BSX: variants seen among roughly 807,000 people sequenced by gnomAD.
BSX encodes brain specific homeobox.
In BSX, 12 loss-of-function variants were observed where a neutral mutation model predicts 16.9. That is an observed-to-expected ratio of 0.71 (90% CI 0.46 to 1.15). BSX has a LOEUF of 1.15. BSX is among the 50% of genes most tolerant of loss of function. The pLI is 0.00. For synonymous variants in BSX, 160 were observed against 136.4 expected (o/e 1.17, Z -1.20); for missense variants, 292 against 311.8 (o/e 0.94, Z 0.48).
At chr11:122,978,567 A>G (rs143706788) in intron 2 of BSX, among the ~76,000 whole-genome samples, 57 of 152,208 alleles carry the variant, frequency 3.7e-4, no homozygotes, top group African/African-American at 1.3e-3. Flanking sequence ...GGCTTCTCTC[A>G]GGACAAGAAC....
intron 2 of BSX, 38 bp downstream of exon 2, chr11:122,979,223 C>G (rs747622846): frequency 2.5e-6 from 4 of 1,568,784 alleles, no homozygotes; most frequent in Non-Finnish European, 3.5e-6. Flanking sequence ...CAGAGAGGAA[C>G]GAAGCAGAGA....
chr11:122,981,380 T>G (rs1408717256), intron 1 of BSX, 30 bp downstream of exon 1: 1 of 1,482,930 alleles, frequency 6.7e-7, no homozygotes, highest in South Asian at 1.4e-5. Flanking sequence ...GCTCTCTCAC[T>G]GCCCATACCT....
At chr11:122,981,306 A>G (rs1591412146) in intron 1 of BSX, 104 bp downstream of exon 1, 1 of 1,179,224 alleles carries the variant, frequency 8.5e-7, no homozygotes, top group Non-Finnish European at 1.2e-6. Flanking sequence ...CCACCAAGCC[A>G]GGCCGAGCCA....
intron 2 of BSX, among the ~76,000 whole-genome samples, chr11:122,978,784 CT>C (rs1864529091): frequency 1.1e-5 from 1 of 92,900 alleles, no homozygotes; most frequent in Non-Finnish European, 2.4e-5. Context: ...TTTTTTTTTT[CT>C]TTTTCTTTTC....
intron 2 of BSX, 90 bp downstream of exon 2, chr11:122,979,171 A>G: frequency 8.1e-7 from 1 of 1,235,062 alleles, no homozygotes. Flanking sequence ...GTCTATTTCT[A>G]CTCGAACTCC....
Position 122,981,457 on chromosome 11 carries a change from G to A in BSX, c.215C>T (p.Pro72Leu). The A allele has an allele frequency of 6.4e-6, 10 of 1,572,322 alleles. No individual in the cohort carries two copies. The highest frequency in any genetic ancestry group is 1.3e-5 in the African/African-American group (1 of 74,394). ...PTLLAPHAHH[P>L]LHKGDHHHPY... Reference sequence around the variant, plus strand: ...ATGATGGTGGTCTCCCTTATGCAGAGGGTGATGGGCGTGAGGAGCCAAGAG... The same window carrying A: ...ATGATGGTGGTCTCCCTTATGCAGAAGGTGATGGGCGTGAGGAGCCAAGAG... Residue 72 changes from proline to leucine, a missense_variant, in exon 1 of 3, where the codon CCT becomes CTT. This residue lies in a region of BSX where 176 missense variants were observed against 187.2 expected (regional missense o/e 0.94). Coordinates refer to ENST00000343035, the MANE Select transcript of BSX (RefSeq NM_001098169.2).
chr11:122,979,501 G>A (rs1180248185), intron 1 of BSX, 44 bp from the exon 2 acceptor site: 4 of 1,547,256 alleles, frequency 2.6e-6, no homozygotes, highest in African/African-American at 2.7e-5. Flanking sequence ...GTGGGTCGCC[G>A]GAGAGCAATC....
Position 122,979,262 on chromosome 11 carries a change from T to C in BSX, c.458A>G (p.Gln153Arg). The change falls in exon 2 of 3, where the codon CAG becomes CGG. Residue 153 changes from glutamine to arginine, a missense_variant and splice_region_variant. Physicochemically the swap from Gln to Arg is conservative, Grantham distance 43. Transcript: ENST00000343035. Reference protein sequence around the residue: ...LATALSLSETQVKTWFQNRRM... With the variant: ...LATALSLSETRVKTWFQNRRM... Reference sequence around the variant, plus strand: ...GGGCCTCCCTCTCCTCCCGCCCACCTGCGTCTCGGACAGGCTGAGGGCCGT... The same window carrying C: ...GGGCCTCCCTCTCCTCCCGCCCACCCGCGTCTCGGACAGGCTGAGGGCCGT... 2.5e-6 allele frequency: 4 copies of C among 1,609,236 alleles called. No homozygotes were observed. Among genetic ancestry groups the C allele is most frequent in the Non-Finnish European group, 3.4e-6 (4 of 1,176,554 alleles).
rs1435876988 is a variant in BSX, at chr11:122,978,758, G to T, written c.459+503C>A. Among the ~76,000 whole-genome samples, 6 of 148,420 alleles carry T rather than the reference G, an allele frequency of 4.0e-5. No homozygotes were observed. In the East Asian group the frequency reaches 1.0e-3, roughly 25 times the overall value. ...TTTGCTTGGGTAAGTATGACATGGG[G>T]TTGGGGTGTCGGTACTTTTTTTTTT... On this transcript the variant is annotated intron_variant, in intron 2 of 2. Transcript: ENST00000343035.
rs2135399723 is a variant in BSX at position 122,977,798 on chromosome 11, G to A, written c.553C>T (p.Pro185Ser). The A allele has an allele frequency of 6.2e-7, 1 of 1,613,964 alleles. No individual in the cohort carries two copies. The highest frequency in any genetic ancestry group is 2.2e-5 in the East Asian group (1 of 44,868). Residue 185 changes from proline (P) to serine (S), a missense_variant, in exon 3 of 3, where the codon CCC becomes TCC. Around this residue, in one of 3 missense-constraint regions of BSX, gnomAD observed 107 missense variants for 97.1 expected, o/e 1.10. Transcript: ENST00000343035. The surrounding 1 kb of genome is among the most constrained non-coding windows in gnomAD (Gnocchi z 4.5). ...EPKAPDGPES[P>S]EGSPRGSEAA... is the part of the protein sequence containing the mutation. ...TCTGAACCGCGGGGGCTGCCCTCGG[G>A]GCTTTCTGGCCCGTCTGGTGCTTTG... is the stretch of plus-strand genomic sequence containing the variant.
Position 122,979,257 on chromosome 11 carries a change from C to T in BSX, c.459+4G>A, listed in dbSNP as rs763624952. 53 of 1,608,458 alleles carry T rather than the reference C, an allele frequency of 3.3e-5. No individual in the cohort carries two copies. In the Admixed American group the frequency reaches 6.2e-4, roughly 19 times the overall value. ...GATCAGGGCCTCCCTCTCCTCCCGC[C>T]CACCTGCGTCTCGGACAGGCTGAGG... On this transcript the variant is annotated splice_donor_region_variant and intron_variant, in intron 2 of 2. Coordinates refer to ENST00000343035, the MANE Select transcript of BSX (RefSeq NM_001098169.2).
chr11:122,978,452 C>G (rs953162305), intron 2 of BSX, among the ~76,000 whole-genome samples: 12 of 152,216 alleles, frequency 7.9e-5, no homozygotes, highest in African/African-American at 2.6e-4. Context: ...AGGGAGAGAA[C>G]TTAAACCATA....
chr11:122,978,266 C>G (rs1381246), intron 2 of BSX, among the ~76,000 whole-genome samples: 79,826 of 152,002 alleles, frequency 0.53, 21,882 homozygotes, highest in African/African-American at 0.7. Context: ...TGAAACTCCG[C>G]GTTCTCATCG....
rs554075522 is a variant in BSX, at chr11:122,980,747, C to T, written c.262+663G>A. Among the ~76,000 whole-genome samples, 9 of 152,330 alleles carry T rather than the reference C, an allele frequency of 5.9e-5. No homozygotes were observed. The South Asian group carries it at 1.2e-3, about 21-fold the overall frequency. On this transcript the variant is annotated intron_variant, in intron 1 of 2. Transcript: ENST00000343035. ...AATCAAAATACTTTAGCACCCGGCTCCAGCAATGCTGGCAGCTGGGGCAGA... is the reference window on the plus strand; with the variant it reads ...AATCAAAATACTTTAGCACCCGGCTTCAGCAATGCTGGCAGCTGGGGCAGA...
At chr11:122,980,875 T>C (rs76069787) in intron 1 of BSX, among the ~76,000 whole-genome samples, 2,909 of 152,214 alleles carry the variant, frequency 0.019, 90 homozygotes, top group East Asian at 0.14. Flanking sequence ...TCTCACCCTT[T>C]CTGTCTTATT....
rs774120728 is a variant in BSX, at chr11:122,977,943, C to T, written c.460-52G>A. On this transcript the variant is annotated intron_variant, in intron 2 of 2. Transcript: ENST00000343035. This position sits in a 1 kb window ranked among gnomAD's most constrained non-coding sequence, Gnocchi z 4.5. ...TCATGTCATTCCTCCAAATCTGAGCCATCGCTGGGGTTTAGGAAAATGGGC... is the reference window on the plus strand; with the variant it reads ...TCATGTCATTCCTCCAAATCTGAGCTATCGCTGGGGTTTAGGAAAATGGGC... 1.2e-6 allele frequency: 2 copies of T among 1,605,666 alleles called. No individual in the cohort carries two copies. Among genetic ancestry groups the T allele is most frequent in the South Asian group, 1.1e-5 (1 of 90,800 alleles).
chr11:122,981,289 A>C, intron 1 of BSX, 121 bp downstream of exon 1: 2 of 980,814 alleles, frequency 2.0e-6, no homozygotes, highest in Non-Finnish European at 2.9e-6. Context: ...TCACTTAGGG[A>C]AAGAGGCCAC....
In BSX at chr11:122,981,825, G is replaced by T; in HGVS notation, c.-154C>A. 1.3e-6 allele frequency: 1 copy of T among 752,214 alleles called. No individual in the cohort carries two copies. Among genetic ancestry groups the T allele is most frequent in the Non-Finnish European group, 2.1e-6 (1 of 483,002 alleles). The allele number at this position is 752,214 out of a possible 1,614,324, so 46.6% of individuals were successfully genotyped here. The stretch of plus-strand genomic sequence containing the variant: ...CTGGGCTACCCCGGGCGCTGGAGAG[G>T]CAAGAAGACAAGCTCCTGGGTAGGT... On this transcript the variant is annotated 5_prime_UTR_variant, in exon 1 of 3. Coordinates refer to ENST00000343035, the MANE Select transcript of BSX (RefSeq NM_001098169.2).
At chr11:122,981,272 T>C in intron 1 of BSX, 138 bp downstream of exon 1, 1 of 804,944 alleles carries the variant, frequency 1.2e-6, no homozygotes, top group Non-Finnish European at 1.9e-6. Context: ...TCCTCAGCCT[T>C]CCACTGTCAC....
Sources: gnomAD v4.1 joint callset for allele counts (sites outside exome capture counted in the v4.1 genomes callset) on GRCh38, gnomAD v4.1.1 for gene constraint, gnomAD v4.1.1 regional missense constraint, Gnocchi (gnomAD v3.1) non-coding constraint, MANE v1.5 for transcripts, NCBI Gene and HGNC (gene_info 2026-07-23, HGNC 2026-07-21) for gene names.